Variants in EFCAB6 observed in about 807,000 individuals in gnomAD.
EFCAB6 encodes the protein EF-hand calcium-binding domain-containing protein 6.
In EFCAB6, 156 loss-of-function variants were observed where a neutral mutation model predicts 169.8. That is an observed-to-expected ratio of 0.92 (90% CI 0.81 to 1.05). EFCAB6 has a LOEUF of 1.05. EFCAB6 is among the 50% of genes least tolerant of loss of function. EFCAB6 has a pLI of 0.00. For synonymous variants in EFCAB6, 698 were observed against 676.4 expected (o/e 1.03, Z -0.50); for missense variants, 1,800 against 1,829.1 (o/e 0.98, Z 0.29).
intron 13 of EFCAB6, among the ~76,000 whole-genome samples, chr22:43,675,622 CATA>C (rs937949014): frequency 1.4e-4 from 20 of 145,096 alleles, no homozygotes; most frequent in East Asian, 5.9e-4. Context: ...ATATATTATA[CATA>C]ATAATTCAAT....
chr22:43,585,356 C>T (rs541957724), intron 24 of EFCAB6, among the ~76,000 whole-genome samples: 75 of 151,474 alleles, frequency 5.0e-4, no homozygotes, highest in African/African-American at 1.8e-3. Flanking sequence ...ATCAGCAGAC[C>T]GGACATGGTT....
chr22:43,719,285 A>T (rs1405475268), intron 8 of EFCAB6, among the ~76,000 whole-genome samples: 1 of 152,158 alleles, frequency 6.6e-6, no homozygotes, highest in Admixed American at 6.5e-5. Flanking sequence ...TTTTCTCAAA[A>T]TTTCCTCTGA....
chr22:43,764,256 C>T (rs1317311013), intron 5 of EFCAB6, among the ~76,000 whole-genome samples: 4 of 152,004 alleles, frequency 2.6e-5, no homozygotes, highest in African/African-American at 7.3e-5. Flanking sequence ...TCTTTATGTC[C>T]ACATGTACCC....
intron 23 of EFCAB6, among the ~76,000 whole-genome samples, chr22:43,593,528 A>G (rs139474263): frequency 2.4e-3 from 359 of 152,328 alleles, no homozygotes; most frequent in Non-Finnish European, 3.9e-3. Flanking sequence ...GCTTTATGGC[A>G]TATTTGATTT....
chr22:43,555,025 T>C lies in EFCAB6; in HGVS notation c.3492A>G (p.Arg1164=). The C allele has an allele frequency of 1.2e-6, 2 of 1,614,262 alleles. No individual in the cohort carries two copies. Among genetic ancestry groups the C allele is most frequent in the Non-Finnish European group, 1.7e-6 (2 of 1,180,040 alleles). ...CTTTGTGGAGGCGAGCCAGGATGTC[T>C]CTGTCGGCTGTGGCCTTGGGAGAGG... ...PPTSPKATAD[R]DILARLHKAV... The change falls in exon 27 of 32, where the codon AGA becomes AGG. Residue 1164 remains arginine (R), a synonymous_variant. Transcript: ENST00000262726.
At chr22:43,775,719 C>T (rs2061618789) in intron 3 of EFCAB6, among the ~76,000 whole-genome samples, 1 of 152,342 alleles carries the variant, frequency 6.6e-6, no homozygotes, top group Admixed American at 6.5e-5. Context: ...GCTGGGATTA[C>T]AGGCGTGAGC....
At chr22:43,680,350 T>C (rs2147082055) in intron 12 of EFCAB6, among the ~76,000 whole-genome samples, 1 of 152,322 alleles carries the variant, frequency 6.6e-6, no homozygotes, top group Non-Finnish European at 1.5e-5. Context: ...TACTATAGCT[T>C]TGCACTAAGA....
chr22:43,728,012 GTT>G (rs1332340484), intron 8 of EFCAB6, among the ~76,000 whole-genome samples: 6 of 151,992 alleles, frequency 3.9e-5, no homozygotes, highest in African/African-American at 1.4e-4. Context: ...CATCATCTAG[GTT>G]TTAAGCCCCA....
intron 22 of EFCAB6, among the ~76,000 whole-genome samples, chr22:43,602,198 T>A (rs933626540): frequency 2.6e-5 from 4 of 152,206 alleles, no homozygotes; most frequent in Non-Finnish European, 5.9e-5. Context: ...ATCAGCTCCT[T>A]ATCCCCTGCA....
intron 29 of EFCAB6, chr22:43,535,179 C>T (rs568633129): frequency 1.4e-4 from 38 of 273,360 alleles, no homozygotes; most frequent in Admixed American, 6.0e-4. Context: ...GGGTGTTCCC[C>T]GCCGTGTCAG....
chr22:43,676,870 T>TAGAA (rs1331951704), intron 13 of EFCAB6, among the ~76,000 whole-genome samples: 4 of 152,172 alleles, frequency 2.6e-5, no homozygotes, highest in Non-Finnish European at 5.9e-5. Flanking sequence ...ACCATCAGAA[T>TAGAA]AGAATGCAGC....
chr22:43,636,372 C>T (rs578246661), intron 17 of EFCAB6, among the ~76,000 whole-genome samples: 8 of 152,242 alleles, frequency 5.3e-5, no homozygotes, highest in East Asian at 3.9e-4. Context: ...GCTGCAGTGT[C>T]GCCCTCATCA....
intron 17 of EFCAB6, among the ~76,000 whole-genome samples, chr22:43,644,104 G>A (rs546461884): frequency 7.2e-5 from 11 of 152,210 alleles, no homozygotes; most frequent in African/African-American, 1.7e-4. Flanking sequence ...GATTCCAGGC[G>A]TGGCTGCGTG....
At chr22:43,601,885 C>A (rs1023637335) in intron 22 of EFCAB6, among the ~76,000 whole-genome samples, 13 of 152,232 alleles carry the variant, frequency 8.5e-5, no homozygotes, top group African/African-American at 3.1e-4. Flanking sequence ...GCCTTCTGTG[C>A]CCTGCAGGTC....
At chr22:43,696,595 A>G (rs1315124733) in intron 10 of EFCAB6, among the ~76,000 whole-genome samples, 3 of 152,222 alleles carry the variant, frequency 2.0e-5, no homozygotes, top group Non-Finnish European at 4.4e-5. Context: ...ATATATCAAT[A>G]CTAAGCAATA....
chr22:43,628,652 G>A lies in EFCAB6; in HGVS notation c.2233-1973C>T, dbSNP rs2054702309. Among the ~76,000 whole-genome samples, 1 of 152,212 alleles carries A rather than the reference G, an allele frequency of 6.6e-6. No individual in the cohort carries two copies. The highest frequency in any genetic ancestry group is 2.4e-5 in the African/African-American group (1 of 41,528). ...CTGAACAGGCCGAGCCTGCTTCAGG[G>A]TATCGCAGGGAGCCCTCTCCAGTGT... On this transcript the variant is annotated intron_variant, in intron 19 of 31. Transcript: ENST00000262726. This position sits in a 1 kb window ranked among gnomAD's most constrained non-coding sequence, Gnocchi z 4.8.
chr22:43,737,811 TCA>T (rs139438368), intron 6 of EFCAB6, among the ~76,000 whole-genome samples: 73 of 143,854 alleles, frequency 5.1e-4, no homozygotes, highest in Non-Finnish European at 8.4e-4. Flanking sequence ...GTGCATATAC[TCA>T]CACACACTCA....
chr22:43,777,960 A>G (rs186286664), intron 3 of EFCAB6, among the ~76,000 whole-genome samples: 65 of 152,358 alleles, frequency 4.3e-4, no homozygotes, highest in African/African-American at 1.5e-3. Flanking sequence ...CGCTTAGGAT[A>G]TAGAAAGTCA....
rs2053074929 is a variant in EFCAB6, at chr22:43,608,479, T to G, written c.2681+3A>C. ...AAACCAACCAGTCTCACGTGCCACT[T>G]ACCTTGCCCAAAGCTTTTCAAACTC... is the stretch of plus-strand genomic sequence containing the variant. On this transcript the variant is annotated splice_donor_region_variant and intron_variant, in intron 22 of 31. Transcript: ENST00000262726. The G allele has an allele frequency of 6.2e-7, 1 of 1,613,972 alleles. No individual in the cohort carries two copies. The highest frequency in any genetic ancestry group is 2.2e-5 in the East Asian group (1 of 44,886).
Sources: allele counts gnomAD v4.1 joint callset (sites outside exome capture counted in the v4.1 genomes callset), GRCh38; gene constraint gnomAD v4.1.1; non-coding constraint Gnocchi (gnomAD v3.1); transcripts MANE v1.5; gene names NCBI Gene and HGNC (gene_info 2026-07-23, HGNC 2026-07-21).